ASAP1: variants seen among roughly 807,000 people sequenced by gnomAD.
ASAP1 encodes the protein ArfGAP with SH3 domain, ankyrin repeat and PH domain 1, also known as arf-GAP with SH3 domain, ANK repeat and PH domain-containing protein 1.
A neutral mutation model predicts 145.2 loss-of-function variants in ASAP1; 43 were observed. The ratio of observed to expected loss-of-function variants is 0.30; its 90% confidence interval spans 0.23 to 0.38. ASAP1 has a LOEUF of 0.38. ASAP1 is among the 10% of genes least tolerant of loss of function. ASAP1 has a pLI of 1.00. For synonymous variants in ASAP1, 546 were observed against 515.5 expected (o/e 1.06, Z -0.80); for missense variants, 1,018 against 1,355.3 (o/e 0.75, Z 3.91).
At chr8:130,286,442 G>A (rs560305973) in intron 3 of ASAP1, among the ~76,000 whole-genome samples, 2 of 152,256 alleles carry the variant, frequency 1.3e-5, no homozygotes, top group Admixed American at 6.5e-5. Flanking sequence ...TCACAAAATC[G>A]GGAGTCACAG....
chr8:130,390,933 T>TTCTC (rs1554902141), intron 2 of ASAP1, among the ~76,000 whole-genome samples: 1 of 133,150 alleles, frequency 7.5e-6, no homozygotes, highest in Non-Finnish European at 1.6e-5. Flanking sequence ...TGGGTATATA[T>TTCTC]CCCCCGCCCC....
intron 1 of ASAP1, among the ~76,000 whole-genome samples, chr8:130,420,993 C>T (rs965865237): frequency 1.3e-5 from 2 of 152,014 alleles, no homozygotes; most frequent in Non-Finnish European, 2.9e-5. Context: ...GAATGGGTAT[C>T]GGGCTCCAAT....
At position 130,118,651 on chromosome 8, in the gene ASAP1, A is replaced by G. The variant is rs774041293; in HGVS notation, c.1632T>C (p.Thr544=). The G allele has an allele frequency of 5.6e-6, 9 of 1,612,906 alleles. No individual in the cohort carries two copies. The African/African-American group carries it at 1.1e-4, about 19-fold the overall frequency. Residue 544 remains threonine, a synonymous_variant, in exon 19 of 30, where the codon ACT becomes ACC. Transcript: ENST00000518721. ...AAAACCTATGATCTACATACTTTGC[A>G]GTGATATATTCTTTTCGTACAGTCC... is the stretch of plus-strand genomic sequence containing the variant. ...SDMTVRKEYI[T]AKYVDHRFSR...
intron 1 of ASAP1, among the ~76,000 whole-genome samples, chr8:130,403,130 C>G (rs922132906): frequency 1.3e-5 from 2 of 151,930 alleles, no homozygotes; most frequent in Non-Finnish European, 2.9e-5. Context: ...TAAATATTAC[C>G]GCATGGATTT....
intron 4 of ASAP1, among the ~76,000 whole-genome samples, chr8:130,234,224 C>A (rs1034451154): frequency 3.3e-5 from 5 of 152,154 alleles, no homozygotes. Flanking sequence ...TCCAATATGG[C>A]ACCCACTAGT....
At chr8:130,125,362 T>C (rs1364905922) in intron 17 of ASAP1, among the ~76,000 whole-genome samples, 1 of 152,068 alleles carries the variant, frequency 6.6e-6, no homozygotes, top group African/African-American at 2.4e-5. Context: ...GGGTGACTCA[T>C]GATGGGAAGG....
At chr8:130,175,905 T>G (rs1565052404) in intron 9 of ASAP1, among the ~76,000 whole-genome samples, 1 of 152,226 alleles carries the variant, frequency 6.6e-6, no homozygotes, top group Non-Finnish European at 1.5e-5. Context: ...TTATTCTTAT[T>G]ATCTGTAAAA....
At chr8:130,340,899 G>A (rs1041827728) in intron 3 of ASAP1, 9 of 455,924 alleles carry the variant, frequency 2.0e-5, no homozygotes, top group Non-Finnish European at 4.0e-5. Context: ...TCATTGCGAT[G>A]AATGACAAAA....
chr8:130,275,927 A>T (rs533435253), intron 3 of ASAP1, among the ~76,000 whole-genome samples: 7 of 152,238 alleles, frequency 4.6e-5, no homozygotes, highest in Non-Finnish European at 8.8e-5. Context: ...TACCAGTCAC[A>T]TTTTTTTGCA....
intron 2 of ASAP1, among the ~76,000 whole-genome samples, chr8:130,396,044 G>C (rs1445840029): frequency 6.6e-6 from 1 of 152,154 alleles, no homozygotes. Context: ...ACATTTTCTA[G>C]TCTTTTAGCT....
chr8:130,340,035 T>C (rs982163704), intron 3 of ASAP1, among the ~76,000 whole-genome samples: 3 of 152,234 alleles, frequency 2.0e-5, no homozygotes, highest in Non-Finnish European at 4.4e-5. Context: ...GGGTTCATTC[T>C]ACTGGGTCGC....
chr8:130,400,113 C>A (rs1445677073), intron 2 of ASAP1, among the ~76,000 whole-genome samples: 1 of 152,182 alleles, frequency 6.6e-6, no homozygotes, highest in South Asian at 2.1e-4. Context: ...AGCCATCGCG[C>A]CTGGCCGAAA....
chr8:130,250,742 A>G (rs1281412359), intron 3 of ASAP1, among the ~76,000 whole-genome samples: 1 of 141,636 alleles, frequency 7.1e-6, no homozygotes, highest in Non-Finnish European at 1.6e-5. Context: ...TGCTTCTCAT[A>G]AAAAAAACTG....
intron 3 of ASAP1, among the ~76,000 whole-genome samples, chr8:130,284,072 T>C (rs539188736): frequency 6.6e-6 from 1 of 152,166 alleles, no homozygotes; most frequent in African/African-American, 2.4e-5. Context: ...CCGCCTTAAA[T>C]TTCCAGTTCA....
intron 3 of ASAP1, among the ~76,000 whole-genome samples, chr8:130,256,318 C>T (rs1471738540): frequency 4.0e-5 from 6 of 151,052 alleles, no homozygotes; most frequent in African/African-American, 1.5e-4. Context: ...AGCAAATGGT[C>T]AGTCTCCCTT....
intron 2 of ASAP1, among the ~76,000 whole-genome samples, chr8:130,388,760 G>A (rs1016499432): frequency 2.6e-5 from 4 of 152,152 alleles, no homozygotes; most frequent in Non-Finnish European, 4.4e-5. Context: ...TTGACTTACA[G>A]ATTAATTCCA....
intron 3 of ASAP1, among the ~76,000 whole-genome samples, chr8:130,344,017 T>C (rs971579874): frequency 8.5e-5 from 13 of 152,224 alleles, no homozygotes; most frequent in Non-Finnish European, 1.8e-4. Context: ...AGGGAATAGG[T>C]TCTTCTTATT....
intron 3 of ASAP1, among the ~76,000 whole-genome samples, chr8:130,289,458 C>T (rs1378618808): frequency 6.6e-6 from 1 of 152,134 alleles, no homozygotes; most frequent in Non-Finnish European, 1.5e-5. Flanking sequence ...TCAAAGGGCA[C>T]AAGAATATCA....
Position 130,054,062 on chromosome 8 carries a change from CA to C in ASAP1, c.*668del, listed in dbSNP as rs1310634823. Reference sequence around the variant, plus strand: ...ATTTTTGCATAATGAGGTAATATATCAGGGGCGGGCACTCATAAGACAGTAT... The same window carrying C: ...ATTTTTGCATAATGAGGTAATATATCGGGGCGGGCACTCATAAGACAGTAT... On this transcript the variant is annotated 3_prime_UTR_variant, in exon 30 of 30. Coordinates refer to ENST00000518721, the MANE Select transcript of ASAP1 (RefSeq NM_018482.4). 3.3e-5 allele frequency: 5 copies of C among 152,556 alleles called. No homozygotes were observed. Among genetic ancestry groups the C allele is most frequent in the East Asian group, 1.9e-4 (1 of 5,198 alleles). The allele number at this position is 152,556 out of a possible 1,614,324, so 9.5% of individuals were successfully genotyped here. A position where few individuals can be genotyped will look rare whatever the true frequency, so the allele number is the denominator to read the frequency against.
Sources: allele counts gnomAD v4.1 joint callset (sites outside exome capture counted in the v4.1 genomes callset), GRCh38; gene constraint gnomAD v4.1.1; transcripts MANE v1.5; gene names NCBI Gene and HGNC (gene_info 2026-07-23, HGNC 2026-07-21).